The following PDCD4 variants were observed in gnomAD, a reference collection of about 807,000 sequenced individuals.
The protein encoded by PDCD4 is programmed cell death protein 4.
PDCD4 carries 56 observed loss-of-function variants against 54.0 expected under a neutral mutation model. The ratio of observed to expected loss-of-function variants is 1.04; its 90% CI spans 0.84 to 1.30. PDCD4 has a LOEUF of 1.30. Among genes scored for constraint, PDCD4 ranks in the 50% most tolerant of loss-of-function variants. The probability of loss-of-function intolerance (pLI) is 0.00; values close to 1 mark genes in which losing one functional copy is unlikely to be tolerated. For missense variants in PDCD4, 584 were observed against 559.8 expected (o/e 1.04, Z -0.44); for synonymous variants, 186 against 194.8 (o/e 0.95, Z 0.37).
At chr10:110,895,026 TA>T (rs894788451) in intron 10 of PDCD4, among the ~76,000 whole-genome samples, 4 of 151,980 alleles carry the variant, frequency 2.6e-5, no homozygotes, top group Admixed American at 6.6e-5. Flanking sequence ...GAACAGTATT[TA>T]AAAAAAATTT....
rs1416863901 is a variant in PDCD4 at position 110,898,800 on chromosome 10, AT to A, written c.*716del. Reference sequence around the variant, plus strand: ...CTTAAACTTTAATTTCACACAGTAAATTTTGAATCTCATAAGGAAGCATATT... The same window carrying A: ...CTTAAACTTTAATTTCACACAGTAAATTTGAATCTCATAAGGAAGCATATT... On this transcript the variant is annotated 3_prime_UTR_variant, in exon 12 of 12. Coordinates refer to ENST00000280154, the MANE Select transcript of PDCD4 (RefSeq NM_014456.5). 6.6e-6 allele frequency: 1 copy of A among 152,590 alleles called. No homozygotes were observed. Among genetic ancestry groups the A allele is most frequent in the African/African-American group, 2.4e-5 (1 of 41,414 alleles). The allele number at this position is 152,590 out of a possible 1,614,324, so 9.5% of individuals were successfully genotyped here.
At position 110,898,372 on chromosome 10, in the gene PDCD4, T is replaced by A. The variant is rs1251468960; in HGVS notation, c.*284T>A. 4.2e-6 allele frequency: 1 copy of A among 239,528 alleles called. No individual in the cohort carries two copies. The highest frequency in any genetic ancestry group is 2.2e-5 in the African/African-American group (1 of 44,682). 14.8% of individuals were successfully genotyped at this position (239,528 alleles called of 1,614,324 possible). On this transcript the variant is annotated 3_prime_UTR_variant, in exon 12 of 12. Transcript: ENST00000280154. ...AGTGCCATGTTTATTATCTAATCATTCCAAGTTTTGCATTGATGTCTGACT... is the reference window on the plus strand; with the variant it reads ...AGTGCCATGTTTATTATCTAATCATACCAAGTTTTGCATTGATGTCTGACT...
intron 8 of PDCD4, among the ~76,000 whole-genome samples, 164 bp from the exon 9 acceptor site, chr10:110,893,927 T>C (rs1845792529): frequency 6.6e-6 from 1 of 152,160 alleles, no homozygotes; most frequent in South Asian, 2.1e-4. Flanking sequence ...ATTTTTTAAT[T>C]ATGAAAAATT....
Position 110,876,073 on chromosome 10 carries a change from A to G in PDCD4, c.43+3A>G, listed in dbSNP as rs770524482. 6.2e-7 allele frequency: 1 copy of G among 1,604,704 alleles called. No individual in the cohort carries two copies. The highest frequency in any genetic ancestry group is 1.1e-5 in the South Asian group (1 of 90,066). On this transcript the variant is annotated splice_donor_region_variant and intron_variant, in intron 2 of 11. Transcript: ENST00000280154. ...GATACTGAATGTAAACCCTGCAGGT[A>G]AGTAAGGATATCCTTTTTTCTTTTT...
chr10:110,884,113 G>T (rs946055127), intron 4 of PDCD4, among the ~76,000 whole-genome samples: 1 of 152,144 alleles, frequency 6.6e-6, no homozygotes, highest in Non-Finnish European at 1.5e-5. Context: ...GTTTTAAATT[G>T]CATGCCATTC....
chr10:110,882,906 T>TC, intron 3 of PDCD4, 97 bp from the exon 4 acceptor site: 1 of 783,654 alleles, frequency 1.3e-6, no homozygotes, highest in Non-Finnish European at 2.1e-6. Flanking sequence ...AATACAATTT[T>TC]TTTTTAGCTG....
At chr10:110,872,104 G>C (rs935370482) in intron 1 of PDCD4, 86 bp downstream of exon 1, 1 of 152,476 alleles carries the variant, frequency 6.6e-6, no homozygotes, top group African/African-American at 2.4e-5. Flanking sequence ...CAAGATGGGA[G>C]GGGGCGGGGG....
rs183696114 is a variant in PDCD4, at chr10:110,891,010, C to T, written c.990+340C>T. The T allele has an allele frequency of 1.3e-4, 22 of 175,676 alleles. 1 individual carries two copies. The highest frequency in any genetic ancestry group is 2.5e-4 in the Non-Finnish European group (21 of 84,008). 10.9% of individuals were successfully genotyped at this position (175,676 alleles called of 1,614,324 possible). A position where few individuals can be genotyped will look rare whatever the true frequency, so the allele number is the denominator to read the frequency against. ...CTGTGTTTTAGCTATTCAATAAATA[C>T]GCTTTTATATGAGCAATTTAAAACT... On this transcript the variant is annotated intron_variant, in intron 8 of 11. Coordinates refer to ENST00000280154, the MANE Select transcript of PDCD4 (RefSeq NM_014456.5).
chr10:110,885,785 A>G (rs1166935109), intron 5 of PDCD4, among the ~76,000 whole-genome samples: 1 of 152,068 alleles, frequency 6.6e-6, no homozygotes, highest in African/African-American at 2.4e-5. Context: ...TATGTTCAGA[A>G]GTAGGATAAA....
chr10:110,898,158 G>GTTTTTTTT lies in PDCD4; in HGVS notation c.*83_*90dup. 2.6e-6 allele frequency: 1 copy of GTTTTTTTT among 385,424 alleles called. No individual in the cohort carries two copies. Among genetic ancestry groups the GTTTTTTTT allele is most frequent in the Non-Finnish European group, 4.2e-6 (1 of 239,318 alleles). 23.9% of individuals were successfully genotyped at this position (385,424 alleles called of 1,614,324 possible). On this transcript the variant is annotated 3_prime_UTR_variant, in exon 12 of 12. Coordinates refer to ENST00000280154, the MANE Select transcript of PDCD4 (RefSeq NM_014456.5). ...TGAATTGTAAGAGTTGTTAGCACAA[G>GTTTTTTTT]TTTTTTTTTTTTTTTTTTTTAAGCA...
chr10:110,889,641 C>T lies in PDCD4; in HGVS notation c.875+11C>T. 12 of 1,439,786 alleles carry T rather than the reference C, an allele frequency of 8.3e-6. No homozygotes were observed. Among genetic ancestry groups the T allele is most frequent in the Non-Finnish European group, 1.2e-5 (12 of 1,032,744 alleles). 89.2% of individuals were successfully genotyped at this position (1,439,786 alleles called of 1,614,324 possible). On this transcript the variant is annotated intron_variant, in intron 7 of 11. Coordinates refer to ENST00000280154, the MANE Select transcript of PDCD4 (RefSeq NM_014456.5). Reference sequence around the variant, plus strand: ...TTGTGTGCAGGCTAGGTAAGTAAATCACTTTTCCTACTTAGAATTTCAAAA... The same window carrying T: ...TTGTGTGCAGGCTAGGTAAGTAAATTACTTTTCCTACTTAGAATTTCAAAA...
At chr10:110,888,093 T>TG (rs1845698023) in intron 6 of PDCD4, among the ~76,000 whole-genome samples, 1 of 152,154 alleles carries the variant, frequency 6.6e-6, no homozygotes, top group African/African-American at 2.4e-5. Context: ...ATAAATTTAA[T>TG]GTTATCTTGT....
chr10:110,894,285 CT>C, intron 9 of PDCD4, 87 bp downstream of exon 9: 9 of 920,458 alleles, frequency 9.8e-6, no homozygotes, highest in Admixed American at 1.9e-5. Flanking sequence ...AATGTACATC[CT>C]TTTTTTAATA....
At chr10:110,879,295 G>T (rs1845554889) in intron 2 of PDCD4, among the ~76,000 whole-genome samples, 1 of 150,348 alleles carries the variant, frequency 6.7e-6, no homozygotes, top group Non-Finnish European at 1.5e-5. Flanking sequence ...GACAATTTGA[G>T]TGTGGGAGTA....
At chr10:110,881,131 G>T in intron 2 of PDCD4, 102 bp from the exon 3 acceptor site, 1 of 773,334 alleles carries the variant, frequency 1.3e-6, no homozygotes, top group South Asian at 1.8e-5. Context: ...CTACAAAAAT[G>T]GTAATGTCAT....
chr10:110,897,918 C>A, intron 11 of PDCD4, 110 bp from the exon 12 acceptor site: 1 of 596,198 alleles, frequency 1.7e-6, no homozygotes, highest in South Asian at 3.2e-5. Context: ...ATGGAAAACC[C>A]TTTAAAAGCT....
At chr10:110,875,933 T>C (rs1845497039) in intron 1 of PDCD4, 33 bp from the exon 2 acceptor site, 1 of 1,007,246 alleles carries the variant, frequency 9.9e-7, no homozygotes, top group South Asian at 1.5e-5. Flanking sequence ...TTAAAAGATC[T>C]TGAAGCTTTC....
intron 2 of PDCD4, among the ~76,000 whole-genome samples, chr10:110,877,734 C>T (rs1325045097): frequency 6.6e-6 from 1 of 152,008 alleles, no homozygotes; most frequent in Non-Finnish European, 1.5e-5. Flanking sequence ...TAAGATAGAC[C>T]CTCTTTGTAG....
chr10:110,894,101 T>A lies in PDCD4; in HGVS notation c.1001T>A (p.Leu334Gln). The A allele has an allele frequency of 6.3e-7, 1 of 1,592,128 alleles. No homozygotes were observed. ...VNHLVKEIDM[L>Q]LKEYLLSGDI... Reference sequence around the variant, plus strand: ...TTTTAAATCTAATAGATTGATATGCTGCTGAAAGAATATTTACTCTCTGGA... The same window carrying A: ...TTTTAAATCTAATAGATTGATATGCAGCTGAAAGAATATTTACTCTCTGGA... Residue 334 changes from leucine to glutamine, a missense_variant, in exon 9 of 12, where the codon CTG becomes CAG. Transcript: ENST00000280154.
Sources: allele counts gnomAD v4.1 joint callset (sites outside exome capture counted in the v4.1 genomes callset), GRCh38; gene constraint gnomAD v4.1.1; transcripts MANE v1.5; gene names NCBI Gene and HGNC (gene_info 2026-07-23, HGNC 2026-07-21).